Variants in UGGT1 observed in about 807,000 individuals in gnomAD.
UGGT1 encodes UDP-glucose:glycoprotein glucosyltransferase 1.
In UGGT1, 107 loss-of-function variants were observed where a neutral mutation model predicts 203.9. That is an observed-to-expected ratio of 0.52 (90% CI 0.45 to 0.62). The LOEUF is 0.62. Ranked by LOEUF, UGGT1 falls within the 20% of genes least tolerant of loss-of-function variation. The probability of loss-of-function intolerance (pLI) is 0.00; values close to 1 mark genes in which losing one functional copy is unlikely to be tolerated. For missense variants in UGGT1, 1,673 were observed against 1,867.2 expected (o/e 0.90, Z 1.92); for synonymous variants, 628 against 653.5 (o/e 0.96, Z 0.59).
chr2:128,091,667 C>G, intron 1 of UGGT1: 1 of 1,226,910 alleles, frequency 8.2e-7, no homozygotes, highest in South Asian at 1.8e-5. Context: ...AGCTTTAGAT[C>G]CTTGTGCCAA....
At chr2:128,132,693 C>G (rs934575206) in intron 13 of UGGT1, among the ~76,000 whole-genome samples, 1 of 152,004 alleles carries the variant, frequency 6.6e-6, no homozygotes, top group African/African-American at 2.4e-5. Flanking sequence ...ACTCATTTTT[C>G]CACTCGATCT....
chr2:128,187,224 A>G, intron 39 of UGGT1: 4 of 412,944 alleles, frequency 9.7e-6, no homozygotes, highest in Middle Eastern at 6.6e-4. Context: ...AATTTTTCCA[A>G]ATGGACTTTC....
chr2:128,179,719 C>A, intron 34 of UGGT1, 67 bp from the exon 35 acceptor site: 1 of 1,360,134 alleles, frequency 7.4e-7, no homozygotes, highest in South Asian at 1.2e-5. Flanking sequence ...TCGTGATTGA[C>A]TCTACATAAT....
At chr2:128,154,253 G>A (rs184182237) in intron 19 of UGGT1, among the ~76,000 whole-genome samples, 74 of 152,244 alleles carry the variant, frequency 4.9e-4, no homozygotes, top group Non-Finnish European at 8.8e-4. Context: ...CATCCTAAGT[G>A]TTTATTGTTT....
At chr2:128,148,597 G>A (rs1331529915) in intron 18 of UGGT1, among the ~76,000 whole-genome samples, 1 of 152,114 alleles carries the variant, frequency 6.6e-6, no homozygotes, top group Non-Finnish European at 1.5e-5. Context: ...TTCCATTTTT[G>A]CTTGCACAGA....
intron 35 of UGGT1, 84 bp from the exon 36 acceptor site, chr2:128,180,806 T>C: frequency 7.2e-7 from 1 of 1,387,022 alleles, no homozygotes; most frequent in South Asian, 1.4e-5. Context: ...ATTTGTCCCG[T>C]ATCATGGTGG....
At chr2:128,154,397 C>T (rs1292618435) in intron 19 of UGGT1, among the ~76,000 whole-genome samples, 5 of 152,206 alleles carry the variant, frequency 3.3e-5, no homozygotes, top group African/African-American at 1.2e-4. Flanking sequence ...TGCTAGTCCA[C>T]AGTGGCAAAG....
intron 27 of UGGT1, among the ~76,000 whole-genome samples, chr2:128,170,849 A>G (rs1463471464): frequency 1.3e-5 from 2 of 152,196 alleles, no homozygotes; most frequent in Non-Finnish European, 2.9e-5. Flanking sequence ...TTGCCGAATA[A>G]ATCTCTAACC....
chr2:128,146,011 C>T, intron 18 of UGGT1, 44 bp downstream of exon 18: 3 of 1,609,840 alleles, frequency 1.9e-6, no homozygotes, highest in Non-Finnish European at 2.5e-6. Flanking sequence ...GAACAGTTGG[C>T]TTATATTTTT....
intron 26 of UGGT1, 110 bp downstream of exon 26, chr2:128,164,935 A>T: frequency 2.5e-6 from 2 of 785,500 alleles, no homozygotes; most frequent in Non-Finnish European, 3.9e-6. Context: ...AAGTTCTTAC[A>T]GGAATTGAAC....
intron 31 of UGGT1, among the ~76,000 whole-genome samples, chr2:128,176,180 G>A (rs553020315): frequency 3.3e-5 from 5 of 152,112 alleles, no homozygotes; most frequent in Non-Finnish European, 5.9e-5. Context: ...TTGGGAGGCC[G>A]AGGAGGGTGG....
chr2:128,117,113 A>G (rs1167531813), intron 8 of UGGT1, among the ~76,000 whole-genome samples: 1 of 152,088 alleles, frequency 6.6e-6, no homozygotes, highest in Admixed American at 6.5e-5. Flanking sequence ...TTTTTGAGAC[A>G]GAGTCTTGCT....
At chr2:128,160,196 C>T (rs994982198) in intron 23 of UGGT1, among the ~76,000 whole-genome samples, 4 of 152,028 alleles carry the variant, frequency 2.6e-5, no homozygotes, top group African/African-American at 7.2e-5. Context: ...TGGAAATTAG[C>T]AGGATTTAAA....
chr2:128,142,958 T>C, intron 16 of UGGT1, 136 bp from the exon 17 acceptor site: 1 of 907,430 alleles, frequency 1.1e-6, no homozygotes, highest in Non-Finnish European at 1.5e-6. Context: ...CCAACCTGGG[T>C]GACAGCAAAA....
chr2:128,182,281 A>G lies in UGGT1; in HGVS notation c.4235A>G (p.Tyr1412Cys). 6.2e-7 allele frequency: 1 copy of G among 1,612,866 alleles called. No individual in the cohort carries two copies. The part of the protein sequence containing the change: ...YWASHLAGRK[Y>C]HISALYVVDL... Reference sequence around the variant, plus strand: ...GCCAGTCATTTAGCCGGGCGAAAGTATCATATCAGGTACTGAAAAGAAGCA... The same window carrying G: ...GCCAGTCATTTAGCCGGGCGAAAGTGTCATATCAGGTACTGAAAAGAAGCA... Residue 1412 changes from tyrosine to cysteine, a missense_variant, in exon 37 of 41, where the codon TAT becomes TGT. Coordinates refer to ENST00000259253, the MANE Select transcript of UGGT1 (RefSeq NM_020120.4).
At chr2:128,168,951 G>A (rs765674165) in intron 26 of UGGT1, among the ~76,000 whole-genome samples, 2 of 149,754 alleles carry the variant, frequency 1.3e-5, no homozygotes, top group Non-Finnish European at 3.0e-5. Flanking sequence ...GGTGGCTGGG[G>A]CGCGAGGATT....
chr2:128,119,799 A>G (rs1455467574), intron 8 of UGGT1, among the ~76,000 whole-genome samples: 1 of 151,442 alleles, frequency 6.6e-6, no homozygotes, highest in Non-Finnish European at 1.5e-5. Flanking sequence ...TCTCTTCTAT[A>G]GAACTATTTA....
In UGGT1 at chr2:128,115,193, A is replaced by G. The variant is rs1436790728; in HGVS notation, c.766A>G (p.Lys256Glu). The G allele has an allele frequency of 6.2e-7, 1 of 1,614,026 alleles. No homozygotes were observed. The highest frequency in any genetic ancestry group is 1.1e-5 in the South Asian group (1 of 91,082). Reference protein sequence around the residue: ...VELAIKSTEYKAKDDTQVKGT... With the variant: ...VELAIKSTEYEAKDDTQVKGT... ...ATTGGCCATTAAGAGCACTGAGTAC[A>G]AGGCCAAGGATGATACTCAGGTGAA... is the stretch of plus-strand genomic sequence containing the variant. Residue 256 changes from lysine to glutamate, a missense_variant, in exon 7 of 41, where the codon AAG (lysine) becomes GAG (glutamate). Transcript: ENST00000259253.
intron 26 of UGGT1, among the ~76,000 whole-genome samples, chr2:128,166,573 C>G (rs1420769646): frequency 6.6e-6 from 1 of 152,142 alleles, no homozygotes; most frequent in East Asian, 1.9e-4. Flanking sequence ...AGTTGTGTCT[C>G]TTTGGTCTCC....
Sources: allele counts gnomAD v4.1 joint callset (sites outside exome capture counted in the v4.1 genomes callset), GRCh38; gene constraint gnomAD v4.1.1; transcripts MANE v1.5; gene names NCBI Gene and HGNC (gene_info 2026-07-23, HGNC 2026-07-21).